Variants in CNTN5 observed in about 807,000 individuals in gnomAD.
CNTN5 encodes contactin-5.
A neutral mutation model predicts 129.1 loss-of-function variants in CNTN5; 77 were observed. The ratio of observed to expected loss-of-function variants is 0.60; its 90% CI spans 0.50 to 0.72. CNTN5 has a LOEUF of 0.72. CNTN5 is among the 30% of genes least tolerant of loss of function. CNTN5 has a pLI of 0.00. For missense variants in CNTN5, 1,478 were observed against 1,328.8 expected (o/e 1.11, Z -1.75); for synonymous variants, 509 against 465.6 (o/e 1.09, Z -1.20).
At chr11:99,150,494 A>G (rs960997100) in intron 1 of CNTN5, among the ~76,000 whole-genome samples, 6 of 152,022 alleles carry the variant, frequency 3.9e-5, no homozygotes, top group Admixed American at 2.6e-4. Flanking sequence ...AATATATTAC[A>G]TATAAATAAT....
At chr11:99,493,988 G>A (rs11220180) in intron 2 of CNTN5, among the ~76,000 whole-genome samples, 2,762 of 152,186 alleles carry the variant, frequency 0.018, 42 homozygotes, top group Non-Finnish European at 0.029. Flanking sequence ...GGTAGCTACC[G>A]ATTTTATTAA....
intron 1 of CNTN5, among the ~76,000 whole-genome samples, chr11:99,061,612 G>A (rs557723609): frequency 1.3e-5 from 2 of 152,104 alleles, no homozygotes; most frequent in East Asian, 3.9e-4. Context: ...TACAGGCAAA[G>A]CAAAATCTTC....
chr11:100,337,186 G>A (rs1952054881), intron 21 of CNTN5: 2 of 1,517,720 alleles, frequency 1.3e-6, no homozygotes, highest in Non-Finnish European at 1.8e-6. Context: ...TGACACAGAT[G>A]ACACCAGCAG....
At chr11:99,835,603 C>T (rs973938313) in intron 4 of CNTN5, among the ~76,000 whole-genome samples, 15 of 152,014 alleles carry the variant, frequency 9.9e-5, no homozygotes, top group South Asian at 2.1e-4. Flanking sequence ...TAAATGTGTA[C>T]GTAATAGCAC....
chr11:100,210,347 CA>C (rs374618789), intron 15 of CNTN5, among the ~76,000 whole-genome samples: 1,121 of 80,874 alleles, frequency 0.014, 3 homozygotes, highest in African/African-American at 0.045. Context: ...GAGACTATCT[CA>C]AAAAAAAAAA....
intron 1 of CNTN5, among the ~76,000 whole-genome samples, chr11:99,245,299 CT>C (rs1285168079): frequency 5.3e-5 from 8 of 152,156 alleles, no homozygotes; most frequent in Non-Finnish European, 8.8e-5. Context: ...TTTTGATTTT[CT>C]TTGCATAAAC....
At chr11:99,739,520 A>G (rs1355249383) in intron 3 of CNTN5, among the ~76,000 whole-genome samples, 1 of 152,170 alleles carries the variant, frequency 6.6e-6, no homozygotes, top group Non-Finnish European at 1.5e-5. Context: ...TTTTGAAGGA[A>G]TAAGTAAATA....
chr11:99,595,787 C>A (rs965076342), intron 3 of CNTN5, among the ~76,000 whole-genome samples: 8 of 151,106 alleles, frequency 5.3e-5, no homozygotes, highest in African/African-American at 2.0e-4. Flanking sequence ...ACTGTATATA[C>A]TATTAGTTGC....
chr11:99,528,789 C>A (rs182550963), intron 2 of CNTN5, among the ~76,000 whole-genome samples: 1 of 152,022 alleles, frequency 6.6e-6, no homozygotes, highest in South Asian at 2.1e-4. Context: ...TCAGGCCGGG[C>A]GTAGTGGCTC....
At chr11:99,047,059 A>AT (rs1229176565) in intron 1 of CNTN5, among the ~76,000 whole-genome samples, 2 of 151,956 alleles carry the variant, frequency 1.3e-5, no homozygotes, top group African/African-American at 4.8e-5. Flanking sequence ...GTGTCCATCT[A>AT]TCTTTTTAAC....
chr11:100,299,493 G>A, intron 20 of CNTN5, 97 bp downstream of exon 20: 1 of 703,186 alleles, frequency 1.4e-6, no homozygotes, highest in African/African-American at 1.9e-5. Context: ...TACAAATAAG[G>A]CAAAATAAAC....
intron 9 of CNTN5, among the ~76,000 whole-genome samples, chr11:100,010,800 GAC>G (rs1940481670): frequency 2.6e-5 from 4 of 152,094 alleles, no homozygotes; most frequent in Admixed American, 2.6e-4. Context: ...GTGGCTCTGT[GAC>G]ACAGTTTCCT....
chr11:99,375,986 G>GAGTT (rs1940155125), intron 2 of CNTN5, among the ~76,000 whole-genome samples: 1 of 152,094 alleles, frequency 6.6e-6, no homozygotes, highest in African/African-American at 2.4e-5. Context: ...AACTGGATTT[G>GAGTT]AGTTGGAAAA....
chr11:100,303,901 T>G (rs1565415519), intron 20 of CNTN5, among the ~76,000 whole-genome samples: 1 of 151,642 alleles, frequency 6.6e-6, no homozygotes, highest in Non-Finnish European at 1.5e-5. Flanking sequence ...CTATAAAAGT[T>G]CAACTACAGC....
intron 8 of CNTN5, among the ~76,000 whole-genome samples, chr11:99,980,607 A>T (rs1938271030): frequency 6.6e-6 from 1 of 152,156 alleles, no homozygotes; most frequent in Non-Finnish European, 1.5e-5. Context: ...GAAGAAGAAA[A>T]AGTACGTATT....
intron 1 of CNTN5, among the ~76,000 whole-genome samples, chr11:99,323,430 T>G (rs1287629073): frequency 6.6e-6 from 1 of 152,144 alleles, no homozygotes; most frequent in African/African-American, 2.4e-5. Flanking sequence ...ACCACAACAA[T>G]ACAGTTCATT....
intron 6 of CNTN5, among the ~76,000 whole-genome samples, chr11:99,902,989 C>T (rs1319740273): frequency 1.3e-5 from 2 of 152,030 alleles, no homozygotes; most frequent in Non-Finnish European, 2.9e-5. Context: ...CAGCTTCCAA[C>T]GATTTTTTAA....
At chr11:100,126,421 C>G (rs1946184631) in intron 13 of CNTN5, among the ~76,000 whole-genome samples, 1 of 152,068 alleles carries the variant, frequency 6.6e-6, no homozygotes, top group Non-Finnish European at 1.5e-5. Flanking sequence ...CCATGTGAGG[C>G]TTTTTGTAGG....
intron 13 of CNTN5, among the ~76,000 whole-genome samples, chr11:100,137,980 G>A (rs1946578820): frequency 6.6e-6 from 1 of 151,878 alleles, no homozygotes; most frequent in South Asian, 2.1e-4. Flanking sequence ...TGAACTTGAA[G>A]AATAAAAAAC....
Sources: allele counts gnomAD v4.1 joint callset (sites outside exome capture counted in the v4.1 genomes callset), GRCh38; gene constraint gnomAD v4.1.1; transcripts MANE v1.5; gene names NCBI Gene and HGNC (gene_info 2026-07-23, HGNC 2026-07-21).